The following SUGCT variants were observed in gnomAD, a reference collection of about 807,000 sequenced individuals.
The protein encoded by SUGCT is succinyl-CoA:glutarate-CoA transferase.
SUGCT carries 41 observed loss-of-function variants against 55.0 expected under a neutral mutation model. The ratio of observed to expected loss-of-function variants is 0.74; its 90% confidence interval spans 0.58 to 0.97. SUGCT has a LOEUF of 0.97. Ranked by LOEUF, SUGCT falls within the 50% of genes least tolerant of loss-of-function variation. The pLI is 0.00. For missense variants in SUGCT, 568 were observed against 547.8 expected, an observed-to-expected ratio of 1.04 and a Z score of -0.37; for synonymous variants, 187 against 200.4, an observed-to-expected ratio of 0.93 and a Z score of 0.56.
At chr7:40,761,472 C>A (rs1214018718) in intron 13 of SUGCT, among the ~76,000 whole-genome samples, 1 of 152,130 alleles carries the variant, frequency 6.6e-6, no homozygotes, top group African/African-American at 2.4e-5. Context: ...GCCTAGAGGA[C>A]CCTAGTTTTC....
intron 11 of SUGCT, among the ~76,000 whole-genome samples, chr7:40,472,989 T>A (rs1350179958): frequency 6.6e-6 from 1 of 152,212 alleles, no homozygotes; most frequent in Non-Finnish European, 1.5e-5. Context: ...ACAAATGCAT[T>A]GAGAAAGTTG....
At chr7:40,696,733 T>G (rs1368052535) in intron 12 of SUGCT, among the ~76,000 whole-genome samples, 2 of 152,212 alleles carry the variant, frequency 1.3e-5, no homozygotes, top group Non-Finnish European at 2.9e-5. Context: ...CTTCATTACT[T>G]CATAAATACA....
chr7:40,202,013 G>A (rs1276318160), intron 6 of SUGCT, among the ~76,000 whole-genome samples: 3 of 152,022 alleles, frequency 2.0e-5, no homozygotes, highest in Admixed American at 6.6e-5. Context: ...TGGCTCTGTT[G>A]CCCAGTCTGT....
chr7:40,298,244 G>GTAGGCCTGAGGCC (rs1794299315), intron 8 of SUGCT, among the ~76,000 whole-genome samples: 1 of 152,030 alleles, frequency 6.6e-6, no homozygotes, highest in African/African-American at 2.4e-5. Flanking sequence ...GAGGCTGAAA[G>GTAGGCCTGAGGCC]TGAGGTTAGT....
chr7:40,902,074 A>G, the SUGCT span, among the ~76,000 whole-genome samples: 1 of 152,154 alleles, frequency 6.6e-6, no homozygotes, highest in Non-Finnish European at 1.5e-5. Context: ...CTCACCTTCA[A>G]CTTTAACAGC....
At chr7:40,376,494 C>T (rs573012781) in intron 9 of SUGCT, among the ~76,000 whole-genome samples, 5 of 151,548 alleles carry the variant, frequency 3.3e-5, no homozygotes, top group African/African-American at 4.9e-5. Flanking sequence ...CGGGTTTAAG[C>T]GATTCTCCTG....
At chr7:40,768,254 G>A (rs1462849131) in intron 13 of SUGCT, among the ~76,000 whole-genome samples, 2 of 152,108 alleles carry the variant, frequency 1.3e-5, no homozygotes, top group Admixed American at 6.6e-5. Flanking sequence ...TTAGAACTCT[G>A]CACAGCTTTA....
intron 13 of SUGCT, among the ~76,000 whole-genome samples, chr7:40,826,717 G>A (rs1305640906): frequency 6.6e-6 from 1 of 152,158 alleles, no homozygotes; most frequent in African/African-American, 2.4e-5. Context: ...CACCCACAGG[G>A]CATCAGTCTT....
intron 9 of SUGCT, among the ~76,000 whole-genome samples, chr7:40,371,929 A>G (rs976457278): frequency 2.7e-5 from 4 of 150,008 alleles, no homozygotes; most frequent in African/African-American, 9.8e-5. Context: ...CTTTGGATGT[A>G]TGTATATACA....
chr7:40,416,177 T>G lies in SUGCT; in HGVS notation c.817-33110T>G, dbSNP rs548600511. ...ACAACAAAATAGAGGGTTTTTTTTG[T>G]TGAACTATCGTGAATAGCAATTTTC... is the stretch of plus-strand genomic sequence containing the variant. On this transcript the variant is annotated intron_variant, in intron 9 of 13. Coordinates refer to ENST00000335693, the MANE Select transcript of SUGCT (RefSeq NM_001193313.2). 3.9e-5 allele frequency among the ~76,000 whole-genome samples: 6 copies of G among 152,080 alleles called. No homozygotes were observed. In the South Asian group the frequency reaches 1.2e-3, roughly 32 times the overall value.
the SUGCT span, among the ~76,000 whole-genome samples, chr7:41,025,847 A>G: frequency 1.3e-5 from 2 of 152,182 alleles, no homozygotes; most frequent in African/African-American, 2.4e-5. Context: ...GAGTTCAGCT[A>G]TGCACCCATA....
chr7:40,431,225 G>C (rs994885772), intron 9 of SUGCT, among the ~76,000 whole-genome samples: 5 of 152,016 alleles, frequency 3.3e-5, no homozygotes, highest in African/African-American at 4.8e-5. Flanking sequence ...TGTGCCCTTG[G>C]GAAAAATTAG....
intron 8 of SUGCT, among the ~76,000 whole-genome samples, chr7:40,282,192 G>A (rs970055438): frequency 6.6e-6 from 1 of 152,096 alleles, no homozygotes; most frequent in African/African-American, 2.4e-5. Flanking sequence ...GACTGGCCAG[G>A]TGCAGTGGCT....
chr7:40,956,607 A>G, the SUGCT span, among the ~76,000 whole-genome samples: 244 of 151,980 alleles, frequency 1.6e-3, 1 homozygote, highest in South Asian at 2.9e-3. Context: ...AGGGTGTTTC[A>G]TGTCTCTATT....
intron 12 of SUGCT, chr7:40,684,214 G>A (rs1259468779): frequency 6.7e-7 from 1 of 1,486,984 alleles, no homozygotes. Context: ...CCATATCAAG[G>A]TTTGTGACCT....
intron 12 of SUGCT, among the ~76,000 whole-genome samples, chr7:40,733,120 C>G (rs529733079): frequency 6.6e-6 from 1 of 152,180 alleles, no homozygotes; most frequent in African/African-American, 2.4e-5. Context: ...GCTGGGAACA[C>G]AGATGTGTCT....
intron 13 of SUGCT, among the ~76,000 whole-genome samples, chr7:40,838,136 A>G (rs1793085799): frequency 6.6e-6 from 1 of 152,158 alleles, no homozygotes. Flanking sequence ...CTGGTACTAC[A>G]TGGTCTTGAT....
At chr7:41,015,666 T>C in the SUGCT span, among the ~76,000 whole-genome samples, 2 of 152,154 alleles carry the variant, frequency 1.3e-5, no homozygotes, top group African/African-American at 4.8e-5. Context: ...GTCAACTGCA[T>C]TGAGGTAATG....
intron 12 of SUGCT, among the ~76,000 whole-genome samples, chr7:40,690,038 T>C (rs143183311): frequency 2.0e-3 from 312 of 152,332 alleles, no homozygotes; most frequent in African/African-American, 7.2e-3. Flanking sequence ...GTCACCATAC[T>C]ACAAAGAATT....
Sources: gnomAD v4.1 joint callset for allele counts (sites outside exome capture counted in the v4.1 genomes callset) on GRCh38, gnomAD v4.1.1 for gene constraint, MANE v1.5 for transcripts, NCBI Gene and HGNC (gene_info 2026-07-23, HGNC 2026-07-21) for gene names.